SENP6: variants seen among roughly 807,000 people sequenced by gnomAD.
SENP6 encodes sentrin-specific protease 6.
A neutral mutation model predicts 134.5 loss-of-function variants in SENP6; 41 were observed. The ratio of observed to expected loss-of-function variants is 0.30; its 90% CI spans 0.24 to 0.40. SENP6 has a LOEUF of 0.40. Ranked by LOEUF, SENP6 falls within the 10% of genes least tolerant of loss-of-function variation. SENP6 has a pLI of 1.00. For synonymous variants in SENP6, 395 were observed against 429.8 expected (o/e 0.92, Z 1.00); for missense variants, 1,248 against 1,312.5 (o/e 0.95, Z 0.76).
chr6:75,676,037 G>T lies in SENP6; in HGVS notation c.1604G>T (p.Gly535Val). The stretch of plus-strand genomic sequence containing the variant: ...GATAAAGTTTGGAATGATTGTAAAG[G>T]AGTAAATAAATTAACAAGTAAGTTG... ...KEDKVWNDCK[G>V]VNKLTNLEEQ... The change falls in exon 13 of 24, where the codon GGA becomes GTA. Residue 535 changes from glycine (G) to valine (V), a missense_variant. By Grantham distance (109) the Gly-to-Val change is moderately radical. Transcript: ENST00000447266. The T allele has an allele frequency of 1.3e-6, 2 of 1,595,822 alleles. No individual in the cohort carries two copies. The highest frequency in any genetic ancestry group is 1.1e-5 in the South Asian group (1 of 87,856).
chr6:75,649,087 C>T (rs1184237738), intron 7 of SENP6, among the ~76,000 whole-genome samples: 2 of 151,976 alleles, frequency 1.3e-5, no homozygotes, highest in Admixed American at 1.3e-4. Context: ...CAGGCAATCA[C>T]CTGAGGTCAG....
At chr6:75,681,816 G>A (rs542119739) in intron 16 of SENP6, among the ~76,000 whole-genome samples, 1 of 152,076 alleles carries the variant, frequency 6.6e-6, no homozygotes, top group East Asian at 1.9e-4. Context: ...ATCACTTGAG[G>A]CCAGGAGTTT....
intron 3 of SENP6, among the ~76,000 whole-genome samples, chr6:75,627,833 C>A (rs370910395): frequency 6.6e-6 from 1 of 152,036 alleles, no homozygotes; most frequent in Non-Finnish European, 1.5e-5. Flanking sequence ...GGTGCCACCA[C>A]GCCCGGCTAA....
intron 16 of SENP6, among the ~76,000 whole-genome samples, chr6:75,686,104 G>A (rs191820885): frequency 2.0e-5 from 3 of 152,296 alleles, no homozygotes; most frequent in African/African-American, 7.2e-5. Context: ...ATATATTTAG[G>A]ATAGTTAGTT....
chr6:75,618,290 T>C lies in SENP6; in HGVS notation c.53-3242T>C, dbSNP rs1043892388. Among the ~76,000 whole-genome samples, 3 of 150,846 alleles carry C rather than the reference T, an allele frequency of 2.0e-5. 1 individual carries two copies. The South Asian group carries it at 6.3e-4, about 32-fold the overall frequency. Reference sequence around the variant, plus strand: ...ATTTATTCATCTGTTTTTATCAGTATGGATTCGGGAATGTTTATTTTATTT... The same window carrying C: ...ATTTATTCATCTGTTTTTATCAGTACGGATTCGGGAATGTTTATTTTATTT... On this transcript the variant is annotated intron_variant, in intron 1 of 23. Transcript: ENST00000447266.
chr6:75,645,747 A>G, intron 6 of SENP6, among the ~76,000 whole-genome samples: 1 of 151,862 alleles, frequency 6.6e-6, no homozygotes. Context: ...TGAAATGTTT[A>G]TATTCTTGTA....
rs755430958 is a variant in SENP6, at chr6:75,677,140, A to G, written c.1732A>G (p.Asn578Asp). The G allele has an allele frequency of 6.2e-7, 1 of 1,611,844 alleles. No homozygotes were observed. Among genetic ancestry groups the G allele is most frequent in the African/African-American group, 1.3e-5 (1 of 74,886 alleles). ...NEIGIKNNIS[N>D]FFAKIPFEEA... The stretch of plus-strand genomic sequence containing the variant: ...AATTGGTATAAAGAATAACATCTCC[A>G]ATTTTTTTGCGAAAATTCCCTTTGA... The change falls in exon 14 of 24, where the codon AAT (asparagine) becomes GAT (aspartate). Residue 578 changes from asparagine (N) to aspartate (D), a missense_variant. By Grantham distance (23) the Asn-to-Asp change is conservative. Coordinates refer to ENST00000447266, the MANE Select transcript of SENP6 (RefSeq NM_015571.4).
At chr6:75,609,667 A>G (rs1202918002) in intron 1 of SENP6, among the ~76,000 whole-genome samples, 1 of 152,254 alleles carries the variant, frequency 6.6e-6, no homozygotes, top group East Asian at 1.9e-4. Context: ...ACTTTTGGAC[A>G]GTTTGGGAAG....
In SENP6 at chr6:75,634,704, C is replaced by T; in HGVS notation, c.354-3C>T. 2 of 1,519,346 alleles carry T rather than the reference C, an allele frequency of 1.3e-6. No individual in the cohort carries two copies. Among genetic ancestry groups the T allele is most frequent in the Non-Finnish European group, 1.8e-6 (2 of 1,124,040 alleles). The allele number at this position is 1,519,346 out of a possible 1,614,324, so 94.1% of individuals were successfully genotyped here. On this transcript the variant is annotated splice_polypyrimidine_tract_variant and splice_region_variant and intron_variant, in intron 4 of 23. Transcript: ENST00000447266. ...AGTTATTTTTTGTTTCTTGAATCTGCAGTGAAAATACGCAAAATACGTCAT... is the reference window on the plus strand; with the variant it reads ...AGTTATTTTTTGTTTCTTGAATCTGTAGTGAAAATACGCAAAATACGTCAT...
intron 1 of SENP6, among the ~76,000 whole-genome samples, chr6:75,606,462 A>G (rs1020023549): frequency 4.6e-5 from 7 of 152,216 alleles, no homozygotes; most frequent in Admixed American, 2.6e-4. Flanking sequence ...AACACCTACT[A>G]TGTTGTAGGC....
At chr6:75,670,400 A>G (rs960273501) in intron 10 of SENP6, among the ~76,000 whole-genome samples, 153 bp from the exon 11 acceptor site, 1 of 152,216 alleles carries the variant, frequency 6.6e-6, no homozygotes, top group Non-Finnish European at 1.5e-5. Context: ...TATAAAAACC[A>G]TGAATTTTAA....
At chr6:75,641,239 A>C (rs1383547279) in intron 6 of SENP6, among the ~76,000 whole-genome samples, 2 of 152,184 alleles carry the variant, frequency 1.3e-5, no homozygotes, top group South Asian at 2.1e-4. Context: ...TTCTGAATGT[A>C]CATTTTTCTA....
At chr6:75,659,811 G>A (rs1771636463) in intron 8 of SENP6, among the ~76,000 whole-genome samples, 2 of 152,014 alleles carry the variant, frequency 1.3e-5, no homozygotes, top group Admixed American at 6.5e-5. Context: ...ACCCATAAAC[G>A]TGTGTATATG....
In SENP6 at chr6:75,702,853, T is replaced by C. The variant is rs1775132547; in HGVS notation, c.2497T>C (p.Cys833Arg). ...TAAGAAGATGCTAAACAAAAAACAT[T>C]GCATAGCTGTAATTGATTCCAATCC... ...VIKKMLNKKH[C>R]IAVIDSNPGQ... Residue 833 changes from cysteine to arginine, a missense_variant, in exon 19 of 24, where the codon TGC becomes CGC. Transcript: ENST00000447266. 1.9e-6 allele frequency: 3 copies of C among 1,614,036 alleles called. No individual in the cohort carries two copies. In the African/African-American group the frequency reaches 4.0e-5, roughly 22 times the overall value.
chr6:75,702,688 A>G lies in SENP6; in HGVS notation c.2332A>G (p.Lys778Glu), dbSNP rs1775119104. ...LAVVCFPGLE[K>E]PKYEPNPHYH... ...TGTTGTTTGTTTCCCCGGTTTGGAAAAACCAAAGTATGAACCTAATCCTCA... is the reference window on the plus strand; with the variant it reads ...TGTTGTTTGTTTCCCCGGTTTGGAAGAACCAAAGTATGAACCTAATCCTCA... Residue 778 changes from lysine (K) to glutamate (E), a missense_variant, in exon 19 of 24, where the codon AAA becomes GAA. By Grantham distance (56) the Lys-to-Glu change is moderately conservative (BLOSUM62 1). Coordinates refer to ENST00000447266, the MANE Select transcript of SENP6 (RefSeq NM_015571.4). The G allele has an allele frequency of 1.2e-6, 2 of 1,601,908 alleles. No homozygotes were observed. The highest frequency in any genetic ancestry group is 1.7e-6 in the Non-Finnish European group (2 of 1,173,436).
At chr6:75,637,462 A>G (rs911040958) in intron 5 of SENP6, among the ~76,000 whole-genome samples, 1 of 152,180 alleles carries the variant, frequency 6.6e-6, no homozygotes, top group Non-Finnish European at 1.5e-5. Flanking sequence ...TGTTAAATTC[A>G]TATTTAAAAG....
intron 18 of SENP6, 69 bp downstream of exon 18, chr6:75,697,586 G>T (rs1774742086): frequency 9.7e-7 from 1 of 1,026,908 alleles, no homozygotes; most frequent in Non-Finnish European, 1.5e-6. Context: ...TAAATAATGA[G>T]TATGAGGTGA....
intron 6 of SENP6, chr6:75,646,562 C>A (rs1374997375): frequency 6.6e-6 from 1 of 152,224 alleles, no homozygotes; most frequent in African/African-American, 2.4e-5. Flanking sequence ...GTCAGCCGGG[C>A]GCGGTGGCTC....
intron 4 of SENP6, 21 bp downstream of exon 4, chr6:75,633,747 A>G (rs1769289203): frequency 2.5e-6 from 4 of 1,571,980 alleles, no homozygotes; most frequent in Non-Finnish European, 3.4e-6. Context: ...TTCACCACAC[A>G]TTCCTACAGA....
Sources: gnomAD v4.1 joint callset for allele counts (sites outside exome capture counted in the v4.1 genomes callset) on GRCh38, gnomAD v4.1.1 for gene constraint, MANE v1.5 for transcripts, NCBI Gene and HGNC (gene_info 2026-07-23, HGNC 2026-07-21) for gene names.